Variants in EHHADH observed in about 807,000 individuals in gnomAD.
EHHADH encodes the protein peroxisomal bifunctional enzyme.
In EHHADH, 48 loss-of-function variants were observed where a neutral mutation model predicts 64.4. The observed-to-expected ratio is 0.75, with a 90% CI of 0.59 to 0.95. The LOEUF is 0.95. EHHADH is among the 40% of genes least tolerant of loss of function. The pLI is 0.00. For synonymous variants in EHHADH, 308 were observed against 326.7 expected (o/e 0.94, Z 0.62); for missense variants, 854 against 876.6 (o/e 0.97, Z 0.33).
chr3:185,228,444 C>G (rs1405743848), intron 4 of EHHADH, among the ~76,000 whole-genome samples: 2 of 151,344 alleles, frequency 1.3e-5, no homozygotes, highest in South Asian at 4.2e-4. Context: ...TTTGGGAGGC[C>G]AAGGCAGGTG....
chr3:185,225,326 T>G (rs974375748), intron 4 of EHHADH, among the ~76,000 whole-genome samples: 2 of 152,094 alleles, frequency 1.3e-5, no homozygotes, highest in African/African-American at 4.8e-5. Context: ...AGCTACTCAC[T>G]CTGGCCATTA....
rs574499960 is a variant in EHHADH, at chr3:185,227,849, A to C, written c.463+1583T>G. Among the ~76,000 whole-genome samples the C allele has an allele frequency of 2.6e-5, 4 of 152,096 alleles. No individual in the cohort carries two copies. In the South Asian group the frequency reaches 8.3e-4, roughly 32 times the overall value. ...CTCAAGAAAGAAATTATTAATAAAT[A>C]ATAATAATATATATCTAACAATTAT... On this transcript the variant is annotated intron_variant, in intron 4 of 6. Coordinates refer to ENST00000231887, the MANE Select transcript of EHHADH (RefSeq NM_001966.4).
chr3:185,192,616 G>C lies in EHHADH; in HGVS notation c.1782C>G (p.Pro594=). The C allele has an allele frequency of 3.7e-6, 6 of 1,614,180 alleles. No homozygotes were observed. Among genetic ancestry groups the C allele is most frequent in the Non-Finnish European group, 5.1e-6 (6 of 1,180,036 alleles). The change falls in exon 7 of 7, where the codon CCC becomes CCG. Residue 594 remains proline (P), a synonymous_variant. Transcript: ENST00000231887. ...KPLGRIHKPD[P]WLSKFLSRYR... ...ACCGTGATAGGAATTTGGAAAGCCA[G>C]GGATCAGGTTTGTGAATCCTACCCA...
At chr3:185,237,343 A>G (rs1719322558) in intron 2 of EHHADH, among the ~76,000 whole-genome samples, 1 of 152,036 alleles carries the variant, frequency 6.6e-6, no homozygotes, top group African/African-American at 2.4e-5. Context: ...TTCATTCCTT[A>G]TATCTTTTGT....
chr3:185,206,510 G>T (rs1471156807), intron 5 of EHHADH, among the ~76,000 whole-genome samples: 1 of 152,110 alleles, frequency 6.6e-6, no homozygotes, highest in Non-Finnish European at 1.5e-5. Flanking sequence ...AAAGACTTTT[G>T]TTCTTCAAAG....
intron 4 of EHHADH, among the ~76,000 whole-genome samples, chr3:185,221,044 G>A (rs1416353776): frequency 6.6e-6 from 1 of 152,168 alleles, no homozygotes; most frequent in African/African-American, 2.4e-5. Context: ...GTTAAAAATA[G>A]TGATGTTTCT....
chr3:185,210,945 T>C (rs576181807), intron 5 of EHHADH, among the ~76,000 whole-genome samples: 1 of 152,356 alleles, frequency 6.6e-6, no homozygotes, highest in South Asian at 2.1e-4. Context: ...CCTCGCAGAC[T>C]GCATATGGGC....
chr3:185,218,315 TA>T, intron 4 of EHHADH, 75 bp from the exon 5 acceptor site: 1 of 986,774 alleles, frequency 1.0e-6, no homozygotes. Flanking sequence ...TTACTCTCTC[TA>T]GTAGGAAAGG....
chr3:185,235,866 TAATC>T (rs1341555264), intron 2 of EHHADH, among the ~76,000 whole-genome samples: 5 of 152,178 alleles, frequency 3.3e-5, no homozygotes, highest in Non-Finnish European at 7.3e-5. Context: ...GTGATACTGT[TAATC>T]AAGTCTATTC....
chr3:185,201,555 T>C (rs970140629), intron 6 of EHHADH, among the ~76,000 whole-genome samples: 5 of 152,088 alleles, frequency 3.3e-5, no homozygotes, highest in Admixed American at 1.3e-4. Flanking sequence ...AGGAGTGTCA[T>C]GGAGTCTGTC....
chr3:185,225,232 G>A (rs1044020972), intron 4 of EHHADH, among the ~76,000 whole-genome samples: 1 of 152,014 alleles, frequency 6.6e-6, no homozygotes, highest in African/African-American at 2.4e-5. Flanking sequence ...AACTTAACAT[G>A]TCCCAAATGA....
At chr3:185,249,428 T>C (rs1719685435) in intron 1 of EHHADH, among the ~76,000 whole-genome samples, 1 of 152,188 alleles carries the variant, frequency 6.6e-6, no homozygotes, top group Non-Finnish European at 1.5e-5. Flanking sequence ...GCGCCCAGCC[T>C]GGTTTGGCTC....
intron 1 of EHHADH, among the ~76,000 whole-genome samples, chr3:185,252,106 A>G (rs1009716460): frequency 4.6e-5 from 7 of 152,130 alleles, no homozygotes; most frequent in Non-Finnish European, 7.4e-5. Context: ...AGAAATATTA[A>G]AAGCAATTGT....
At chr3:185,249,229 C>T (rs182263774) in intron 1 of EHHADH, among the ~76,000 whole-genome samples, 136 of 152,108 alleles carry the variant, frequency 8.9e-4, no homozygotes, top group African/African-American at 2.8e-3. Context: ...CCCGGGTTCA[C>T]GCCATTCTCC....
In EHHADH at chr3:185,194,609, T is replaced by TAACAACAAC. The variant is rs35024076; in HGVS notation, c.911-1131_911-1123dup. On this transcript the variant is annotated intron_variant, in intron 6 of 6. Transcript: ENST00000231887. The stretch of plus-strand genomic sequence containing the variant: ...CCTGGGCAACAAGATTGAAACTCTG[T>TAACAACAAC]AACAACAACAACAACAACAACAACA... Among the ~76,000 whole-genome samples the TAACAACAAC allele has an allele frequency of 2.1e-3, 309 of 144,514 alleles. 2 individuals carry two copies. Among genetic ancestry groups the TAACAACAAC allele is most frequent in the African/African-American group, 5.2e-3 (201 of 38,772 alleles). 94.8% of individuals were successfully genotyped at this position (144,514 alleles called of 152,430 possible).
intron 1 of EHHADH, among the ~76,000 whole-genome samples, chr3:185,250,238 C>T (rs1194004872): frequency 1.3e-5 from 2 of 152,058 alleles, no homozygotes; most frequent in East Asian, 3.9e-4. Flanking sequence ...GCAGATTTTG[C>T]CAAGTTTTAA....
chr3:185,224,486 A>G, intron 4 of EHHADH, among the ~76,000 whole-genome samples: 1 of 145,880 alleles, frequency 6.9e-6, no homozygotes. Context: ...GGGAGACAGA[A>G]TGAGACCCTG....
chr3:185,220,203 G>A (rs1012749189), intron 4 of EHHADH, among the ~76,000 whole-genome samples: 5 of 152,138 alleles, frequency 3.3e-5, no homozygotes, highest in African/African-American at 1.2e-4. Context: ...GATTTCTTCT[G>A]GCTTGGATTT....
intron 2 of EHHADH, among the ~76,000 whole-genome samples, chr3:185,241,671 G>C (rs562552709): frequency 5.3e-5 from 8 of 151,930 alleles, no homozygotes; most frequent in African/African-American, 1.9e-4. Flanking sequence ...TGATATGTTT[G>C]AGTTTGTTGT....
Sources: gnomAD v4.1 joint callset for allele counts (sites outside exome capture counted in the v4.1 genomes callset) on GRCh38, gnomAD v4.1.1 for gene constraint, MANE v1.5 for transcripts, NCBI Gene and HGNC (gene_info 2026-07-23, HGNC 2026-07-21) for gene names.